Variants in AEBP2 observed in about 807,000 individuals in gnomAD.
AEBP2 encodes zinc finger protein AEBP2.
In AEBP2, 10 loss-of-function variants were observed where a neutral mutation model predicts 50.8. The ratio of observed to expected loss-of-function variants is 0.20; its 90% CI spans 0.12 to 0.33. The LOEUF is 0.33. Among genes scored for constraint, AEBP2 ranks in the 10% least tolerant of loss-of-function variants. AEBP2 has a pLI of 1.00. For missense variants in AEBP2, 570 were observed against 688.0 expected, an observed-to-expected ratio of 0.83 and a Z score of 1.92; for synonymous variants, 296 against 261.3, an observed-to-expected ratio of 1.13 and a Z score of -1.28.
Position 19,489,294 on chromosome 12 carries a change from C to T in AEBP2, c.988-4506C>T, listed in dbSNP as rs188906882. Among the ~76,000 whole-genome samples, 230 of 152,336 alleles carry T rather than the reference C, an allele frequency of 1.5e-3. 1 individual carries two copies. The highest frequency in any genetic ancestry group is 2.4e-3 in the African/African-American group (101 of 41,584). On this transcript the variant is annotated intron_variant, in intron 3 of 7. Coordinates refer to ENST00000266508, the MANE Select transcript of AEBP2 (RefSeq NM_153207.5). ...GTCATGGTGGAAGGTGAAGGGGAAGCAGTATCTCTTCTTCACAAGGTGGTG... is the reference window on the plus strand; with the variant it reads ...GTCATGGTGGAAGGTGAAGGGGAAGTAGTATCTCTTCTTCACAAGGTGGTG...
chr12:19,491,954 A>AT (rs1364147499), intron 3 of AEBP2, among the ~76,000 whole-genome samples: 2 of 152,120 alleles, frequency 1.3e-5, no homozygotes, highest in African/African-American at 2.4e-5. Flanking sequence ...GAAAGTTATG[A>AT]TTTTTACAAA....
At chr12:19,483,176 T>G (rs528124647) in intron 3 of AEBP2, among the ~76,000 whole-genome samples, 1 of 152,280 alleles carries the variant, frequency 6.6e-6, no homozygotes, top group African/African-American at 2.4e-5. Context: ...CTACTGGCTG[T>G]CTTCTGCTAG....
At chr12:19,465,284 C>T (rs943224185) in intron 2 of AEBP2, among the ~76,000 whole-genome samples, 1 of 151,964 alleles carries the variant, frequency 6.6e-6, no homozygotes, top group Non-Finnish European at 1.5e-5. Context: ...GTCCCAGCTA[C>T]TCAGGAGGCT....
chr12:19,420,908 T>C (rs76153652), intron 1 of AEBP2, among the ~76,000 whole-genome samples: 3,421 of 152,246 alleles, frequency 0.022, 48 homozygotes, highest in East Asian at 0.045. Context: ...CAGCCAATCC[T>C]AGTAAATTTT....
At position 19,520,195 on chromosome 12, in the gene AEBP2, A is replaced by AT. The variant is rs1376286428; in HGVS notation, c.*2084dup. 2 of 152,276 alleles carry AT rather than the reference A, an allele frequency of 1.3e-5. No individual in the cohort carries two copies. Among genetic ancestry groups the AT allele is most frequent in the African/African-American group, 2.4e-5 (1 of 41,440 alleles). 9.4% of individuals were successfully genotyped at this position (152,276 alleles called of 1,614,324 possible). ...CAATGATTGTAGACCTTGCTTGAGT[A>AT]TTTTTTCTAATAAAACAAAGCAAAT... On this transcript the variant is annotated 3_prime_UTR_variant, in exon 8 of 8. Transcript: ENST00000266508.
intron 3 of AEBP2, among the ~76,000 whole-genome samples, chr12:19,487,401 C>G (rs921684307): frequency 3.3e-5 from 5 of 151,946 alleles, no homozygotes; most frequent in Non-Finnish European, 5.9e-5. Flanking sequence ...TGTCTGGTTA[C>G]AGAAAGTACG....
At chr12:19,515,515 A>T (rs1949304721) in intron 7 of AEBP2, among the ~76,000 whole-genome samples, 1 of 152,226 alleles carries the variant, frequency 6.6e-6, no homozygotes, top group Non-Finnish European at 1.5e-5. Flanking sequence ...AATGATGTAC[A>T]CGAGAGTGAT....
chr12:19,512,872 C>T (rs746536993), intron 6 of AEBP2, among the ~76,000 whole-genome samples: 14 of 151,976 alleles, frequency 9.2e-5, no homozygotes, highest in Admixed American at 3.3e-4. Flanking sequence ...CACTTGAACC[C>T]GGGAGGCAAA....
chr12:19,498,425 A>G (rs1402904838), intron 4 of AEBP2, among the ~76,000 whole-genome samples: 4 of 152,290 alleles, frequency 2.6e-5, no homozygotes, highest in Non-Finnish European at 4.4e-5. Flanking sequence ...AAATATCTAG[A>G]GAAAAGACCT....
At chr12:19,512,354 GT>G in intron 5 of AEBP2, 43 bp from the exon 6 acceptor site, 2 of 1,334,528 alleles carry the variant, frequency 1.5e-6, no homozygotes, top group Non-Finnish European at 2.1e-6. Context: ...TGAAAATGAT[GT>G]TTTACACATT....
intron 3 of AEBP2, among the ~76,000 whole-genome samples, chr12:19,478,167 T>C (rs1465599258): frequency 6.6e-6 from 1 of 152,232 alleles, no homozygotes; most frequent in East Asian, 1.9e-4. Flanking sequence ...TGTTGTTCTT[T>C]TGGTTTCATT....
chr12:19,429,999 T>C (rs2095750618), intron 1 of AEBP2, among the ~76,000 whole-genome samples: 1 of 152,190 alleles, frequency 6.6e-6, no homozygotes, highest in African/African-American at 2.4e-5. Flanking sequence ...CATTTGTCAA[T>C]TTTGGCTTTT....
rs536650546 is a variant in AEBP2 at position 19,502,258 on chromosome 12, C to T, written c.1299+2037C>T. On this transcript the variant is annotated intron_variant, in intron 5 of 7. Transcript: ENST00000266508. ...CAAGCGATCCCCCTCCCTCAGCCTC[C>T]CGAGTAGCCGGATTACAGGTGCATG... is the stretch of plus-strand genomic sequence containing the variant. Among the ~76,000 whole-genome samples, 12 of 152,236 alleles carry T rather than the reference C, an allele frequency of 7.9e-5. No individual in the cohort carries two copies. The East Asian group carries it at 2.3e-3, about 30-fold the overall frequency.
At chr12:19,495,933 A>G (rs112044609) in intron 4 of AEBP2, among the ~76,000 whole-genome samples, 7 of 152,232 alleles carry the variant, frequency 4.6e-5, no homozygotes, top group African/African-American at 1.7e-4. Flanking sequence ...TCCTTTATAA[A>G]AACAGAAATT....
intron 1 of AEBP2, 57 bp downstream of exon 1, chr12:19,440,427 C>G: frequency 6.9e-7 from 1 of 1,449,210 alleles, no homozygotes; most frequent in Non-Finnish European, 9.0e-7. Flanking sequence ...CCGGGCCCCT[C>G]AGAGGGGGAC....
intron 5 of AEBP2, 117 bp downstream of exon 5, chr12:19,500,338 C>A: frequency 9.4e-7 from 1 of 1,061,214 alleles, no homozygotes; most frequent in Non-Finnish European, 1.3e-6. Flanking sequence ...AATCACAAAA[C>A]CTTTTGTTTT....
chr12:19,452,961 C>CT (rs34876719), intron 1 of AEBP2, among the ~76,000 whole-genome samples: 50,295 of 105,816 alleles, frequency 0.48, 13,879 homozygotes, highest in Non-Finnish European at 0.6. Flanking sequence ...GACTTACGTT[C>CT]TTTTTTTTTT....
intron 1 of AEBP2, among the ~76,000 whole-genome samples, chr12:19,415,686 C>T (rs1348775890): frequency 2.6e-5 from 4 of 151,376 alleles, no homozygotes; most frequent in Non-Finnish European, 5.9e-5. Context: ...CAATACAATA[C>T]AATACAATAC....
chr12:19,410,796 A>G (rs1246917783), intron 1 of AEBP2, among the ~76,000 whole-genome samples: 3 of 152,160 alleles, frequency 2.0e-5, no homozygotes, highest in African/African-American at 7.2e-5. Context: ...AGTATCTAAG[A>G]ATTCGGGAGC....
Sources: allele counts gnomAD v4.1 joint callset (sites outside exome capture counted in the v4.1 genomes callset), GRCh38; gene constraint gnomAD v4.1.1; transcripts MANE v1.5; gene names NCBI Gene and HGNC (gene_info 2026-07-23, HGNC 2026-07-21).